Variants in CA8 observed in about 807,000 individuals in gnomAD.
CA8 encodes the protein carbonic anhydrase-related protein.
In CA8, 22 loss-of-function variants were observed where a neutral mutation model predicts 41.4. The observed-to-expected ratio is 0.53, with a 90% CI of 0.38 to 0.76. The LOEUF is 0.76. Among genes scored for constraint, CA8 ranks in the 30% least tolerant of loss-of-function variants. CA8 has a pLI of 0.00. For synonymous variants in CA8, 121 were observed against 130.6 expected, an observed-to-expected ratio of 0.93 and a Z score of 0.50; for missense variants, 270 against 352.8, an observed-to-expected ratio of 0.77 and a Z score of 1.88.
rs1805985699 is a variant in CA8, at chr8:60,187,059, C to T, written c.*2962G>A. Reference sequence around the variant, plus strand: ...TACTCTTAAGTACACATGGATTATTCTGCAGGATAAACCATATGCTAAGCC... The same window carrying T: ...TACTCTTAAGTACACATGGATTATTTTGCAGGATAAACCATATGCTAAGCC... On this transcript the variant is annotated 3_prime_UTR_variant, in exon 9 of 9. Coordinates refer to ENST00000317995, the MANE Select transcript of CA8 (RefSeq NM_004056.6). 6.6e-6 allele frequency among the ~76,000 whole-genome samples: 1 copy of T among 152,040 alleles called. No individual in the cohort carries two copies. Among genetic ancestry groups the T allele is most frequent in the Non-Finnish European group, 1.5e-5 (1 of 67,944 alleles).
chr8:60,281,036 G>C lies in CA8; in HGVS notation c.100+12C>G. ...CGCGGGACCCCGGACACCCCGACTC[G>C]CGGCCACTTACCTTCCTCGTAGCCC... On this transcript the variant is annotated intron_variant, in intron 1 of 8. Transcript: ENST00000317995. The C allele has an allele frequency of 6.3e-7, 1 of 1,598,662 alleles. No homozygotes were observed. The highest frequency in any genetic ancestry group is 8.6e-7 in the Non-Finnish European group (1 of 1,168,866).
intron 2 of CA8, among the ~76,000 whole-genome samples, chr8:60,272,936 G>T (rs114945934): frequency 3.3e-5 from 5 of 152,222 alleles, no homozygotes; most frequent in Admixed American, 6.5e-5. Context: ...TGGCAAAGTA[G>T]GCCTGCTCTC....
intron 7 of CA8, 85 bp downstream of exon 7, chr8:60,222,563 TA>T: frequency 1.2e-6 from 1 of 865,926 alleles, no homozygotes; most frequent in Non-Finnish European, 1.9e-6. Context: ...TACAGGAAGC[TA>T]AAACACAAAA....
At chr8:60,220,524 T>G (rs1807207443) in intron 7 of CA8, among the ~76,000 whole-genome samples, 1 of 152,090 alleles carries the variant, frequency 6.6e-6, no homozygotes, top group South Asian at 2.1e-4. Flanking sequence ...CCACAGCACT[T>G]CTCAGTATTA....
intron 3 of CA8, among the ~76,000 whole-genome samples, chr8:60,237,403 C>A (rs191383738): frequency 2.6e-5 from 4 of 152,342 alleles, no homozygotes; most frequent in Non-Finnish European, 4.4e-5. Flanking sequence ...AAGCAGCCAA[C>A]TGGATTATAG....
At position 60,208,649 on chromosome 8, in the gene CA8, C is replaced by T. The variant is rs540913834; in HGVS notation, c.*35+101G>A. The T allele has an allele frequency of 1.8e-4, 181 of 1,010,582 alleles. 1 individual carries two copies. Among genetic ancestry groups the T allele is most frequent in the African/African-American group, 1.5e-3 (95 of 63,574 alleles). The allele number at this position is 1,010,582 out of a possible 1,614,324, so 62.6% of individuals were successfully genotyped here. ...AAATTTTATCAAGATGAAGTACATA[C>T]GCTTTTATTACTAAATTACCAGGAT... On this transcript the variant is annotated intron_variant, in intron 8 of 8. Transcript: ENST00000317995.
intron 4 of CA8, among the ~76,000 whole-genome samples, chr8:60,230,618 T>C (rs936786935): frequency 2.6e-5 from 4 of 151,090 alleles, no homozygotes; most frequent in East Asian, 2.0e-4. Context: ...CTTCCTTCCT[T>C]CCTGAAATTT....
rs1008402756 is a variant in CA8 at position 60,186,042 on chromosome 8, G to T, written c.*3979C>A. Among the ~76,000 whole-genome samples, 10 of 152,018 alleles carry T rather than the reference G, an allele frequency of 6.6e-5. No homozygotes were observed. The highest frequency in any genetic ancestry group is 3.3e-4 in the Admixed American group (5 of 15,274). On this transcript the variant is annotated 3_prime_UTR_variant, in exon 9 of 9. Coordinates refer to ENST00000317995, the MANE Select transcript of CA8 (RefSeq NM_004056.6). ...GGTAAATAAGAACAAAGTAGTACTGGAGTAAGAAATCACACCAGATGGTGA... is the reference window on the plus strand; with the variant it reads ...GGTAAATAAGAACAAAGTAGTACTGTAGTAAGAAATCACACCAGATGGTGA...
At chr8:60,190,505 T>C (rs1806089376) in intron 8 of CA8, among the ~76,000 whole-genome samples, 1 of 141,788 alleles carries the variant, frequency 7.1e-6, no homozygotes, top group South Asian at 2.2e-4. Flanking sequence ...AGATAACAAA[T>C]AATGTGCTTC....
chr8:60,205,317 A>G (rs945095030), intron 8 of CA8, among the ~76,000 whole-genome samples: 1 of 152,182 alleles, frequency 6.6e-6, no homozygotes, highest in Non-Finnish European at 1.5e-5. Flanking sequence ...TTTAGGTCAC[A>G]AGCGAGACAG....
At position 60,281,348 on chromosome 8, in the gene CA8, G is replaced by T; in HGVS notation, c.-201C>A. 1.7e-6 allele frequency: 1 copy of T among 576,158 alleles called. No homozygotes were observed. The highest frequency in any genetic ancestry group is 3.1e-6 in the Non-Finnish European group (1 of 323,568). 35.7% of individuals were successfully genotyped at this position (576,158 alleles called of 1,614,324 possible). A position where few individuals can be genotyped will look rare whatever the true frequency, so the allele number is the denominator to read the frequency against. Reference sequence around the variant, plus strand: ...TTCGGACCGAGTGTTCCAGAGACCCGCGTGGGAAGCGCGTCCGGAGGCCCC... The same window carrying T: ...TTCGGACCGAGTGTTCCAGAGACCCTCGTGGGAAGCGCGTCCGGAGGCCCC... On this transcript the variant is annotated 5_prime_UTR_variant, in exon 1 of 9. Transcript: ENST00000317995.
At chr8:60,225,880 T>C (rs1807421555) in intron 5 of CA8, among the ~76,000 whole-genome samples, 1 of 152,108 alleles carries the variant, frequency 6.6e-6, no homozygotes, top group Non-Finnish European at 1.5e-5. Flanking sequence ...TCCCAGCACT[T>C]TGCAAGGCCG....
chr8:60,191,517 GTTCT>G (rs1039587789), intron 8 of CA8, among the ~76,000 whole-genome samples: 11 of 152,038 alleles, frequency 7.2e-5, no homozygotes, highest in Middle Eastern at 3.2e-3. Flanking sequence ...TTAAAATATG[GTTCT>G]TTAATTCAAA....
At chr8:60,244,070 CG>C (rs1321169801) in intron 3 of CA8, among the ~76,000 whole-genome samples, 3 of 152,194 alleles carry the variant, frequency 2.0e-5, no homozygotes, top group Admixed American at 6.5e-5. Context: ...CACCGCCCCT[CG>C]GACTGTGTCT....
At chr8:60,255,557 T>C (rs1044491821) in intron 3 of CA8, among the ~76,000 whole-genome samples, 1 of 152,214 alleles carries the variant, frequency 6.6e-6, no homozygotes. Flanking sequence ...GTTTAAGTGA[T>C]TCATTAAGCT....
rs577190679 is a variant in CA8, at chr8:60,207,263, T to C, written c.*35+1487A>G. On this transcript the variant is annotated intron_variant, in intron 8 of 8. Coordinates refer to ENST00000317995, the MANE Select transcript of CA8 (RefSeq NM_004056.6). ...ATCTGTGTCTTGGCTAACTTGTCTG[T>C]AAAGCCTCCCACAAGATTTTATGCA... 3.9e-5 allele frequency among the ~76,000 whole-genome samples: 6 copies of C among 152,362 alleles called. No individual in the cohort carries two copies. In the South Asian group the frequency reaches 1.2e-3, roughly 32 times the overall value.
At chr8:60,210,437 C>A (rs896593464) in intron 7 of CA8, among the ~76,000 whole-genome samples, 8 of 152,268 alleles carry the variant, frequency 5.3e-5, no homozygotes, top group African/African-American at 1.9e-4. Flanking sequence ...AGGGGGCCCA[C>A]GAAAGCCCTG....
rs1433599665 is a variant in CA8 at position 60,189,885 on chromosome 8, T to G, written c.*136A>C. 4 of 152,184 alleles carry G rather than the reference T, an allele frequency of 2.6e-5. No homozygotes were observed. The highest frequency in any genetic ancestry group is 5.9e-5 in the Non-Finnish European group (4 of 67,958). 9.4% of individuals were successfully genotyped at this position (152,184 alleles called of 1,614,324 possible). ...TCACAGATGTCCATCAAAGCTGGAT[T>G]AGATGAAGACAAACAACGCAGGCTT... On this transcript the variant is annotated 3_prime_UTR_variant, in exon 9 of 9. Coordinates refer to ENST00000317995, the MANE Select transcript of CA8 (RefSeq NM_004056.6).
At chr8:60,237,949 TTC>T (rs1210682144) in intron 3 of CA8, among the ~76,000 whole-genome samples, 2 of 152,198 alleles carry the variant, frequency 1.3e-5, no homozygotes, top group Non-Finnish European at 2.9e-5. Context: ...CCATTATGTC[TTC>T]TGTTAAAAAA....
Sources: gnomAD v4.1 joint callset for allele counts (sites outside exome capture counted in the v4.1 genomes callset) on GRCh38, gnomAD v4.1.1 for gene constraint, MANE v1.5 for transcripts, NCBI Gene and HGNC (gene_info 2026-07-23, HGNC 2026-07-21) for gene names.